The following MEIOB variants were observed in gnomAD, a reference collection of about 807,000 sequenced individuals.
MEIOB encodes the protein meiosis-specific with OB domain-containing protein.
Under a neutral mutation model 53.1 loss-of-function variants are expected in MEIOB, and 50 were observed. The ratio of observed to expected loss-of-function variants is 0.94; its 90% CI spans 0.75 to 1.19. The LOEUF (loss-of-function observed/expected upper bound fraction) is 1.19. MEIOB is among the 50% of genes most tolerant of loss of function. The pLI is 0.00. For synonymous variants in MEIOB, 192 were observed against 182.5 expected, an observed-to-expected ratio of 1.05 and a Z score of -0.42; for missense variants, 551 against 550.8, an observed-to-expected ratio of 1.00 and a Z score of 0.00.
chr16:1,855,325 G>A (rs537223133), intron 6 of MEIOB, among the ~76,000 whole-genome samples: 240 of 152,206 alleles, frequency 1.6e-3, no homozygotes, highest in Non-Finnish European at 2.0e-3. Flanking sequence ...CTGGCTACTC[G>A]GGAGGCTGAG....
At position 1,849,859 on chromosome 16, in the gene MEIOB, CA is replaced by C. The variant is rs1013495567; in HGVS notation, c.778+3179del. 3.3e-5 allele frequency among the ~76,000 whole-genome samples: 5 copies of C among 151,678 alleles called. No individual in the cohort carries two copies. The South Asian group carries it at 8.3e-4, about 25-fold the overall frequency. On this transcript the variant is annotated intron_variant, in intron 9 of 13. Transcript: ENST00000325962. The stretch of plus-strand genomic sequence containing the variant: ...GAACAGATTTTACGTGTTCTCACCA[CA>C]AAAAAAATGATAAGTATGTGAAGTA...
In MEIOB at chr16:1,844,978, G is replaced by A; in HGVS notation, c.779-15C>T. On this transcript the variant is annotated splice_polypyrimidine_tract_variant and intron_variant, in intron 9 of 13. Transcript: ENST00000325962. Reference sequence around the variant, plus strand: ...TTCTGGTATATCTTAAATTGAAAATGCATAATAAGTAAAAAGCAAACTGAT... The same window carrying A: ...TTCTGGTATATCTTAAATTGAAAATACATAATAAGTAAAAAGCAAACTGAT... The A allele has an allele frequency of 1.7e-6, 2 of 1,178,298 alleles. No individual in the cohort carries two copies. Among genetic ancestry groups the A allele is most frequent in the South Asian group, 1.4e-5 (1 of 71,280 alleles). The allele number at this position is 1,178,298 out of a possible 1,614,324, so 73.0% of individuals were successfully genotyped here.
At chr16:1,846,846 T>C (rs376764989) in intron 9 of MEIOB, among the ~76,000 whole-genome samples, 17 of 152,054 alleles carry the variant, frequency 1.1e-4, no homozygotes, top group African/African-American at 4.1e-4. Context: ...AAATAGCTAA[T>C]GCATGTGGGG....
In MEIOB at chr16:1,853,222, T is replaced by C; in HGVS notation, c.679A>G (p.Thr227Ala). 1 of 1,552,900 alleles carries C rather than the reference T, an allele frequency of 6.4e-7. No individual in the cohort carries two copies. Among genetic ancestry groups the C allele is most frequent in the Non-Finnish European group, 8.7e-7 (1 of 1,146,476 alleles). ...CACAATCATTGAATGATAATACCTG[T>C]TTCTCGTGGCATCCAGCTCTGTGCA... ...LLAQSWMPRE[T>A]VIFASDVRIN... The change falls in exon 8 of 14, where the codon ACA (threonine) becomes GCA (alanine). Residue 227 changes from threonine to alanine, a missense_variant. By Grantham distance (58) the Thr-to-Ala change is moderately conservative. Transcript: ENST00000325962.
chr16:1,858,266 G>A (rs1038461913), intron 5 of MEIOB, among the ~76,000 whole-genome samples: 2 of 152,148 alleles, frequency 1.3e-5, no homozygotes, highest in Non-Finnish European at 2.9e-5. Flanking sequence ...AGGACTGGTT[G>A]TTTCTCTCTC....
intron 4 of MEIOB, 53 bp from the exon 5 acceptor site, chr16:1,860,528 A>C: frequency 9.9e-7 from 1 of 1,008,978 alleles, no homozygotes; most frequent in Non-Finnish European, 1.5e-6. Flanking sequence ...CAAGATAAAC[A>C]CTAACATCCT....
intron 5 of MEIOB, 114 bp from the exon 6 acceptor site, chr16:1,858,044 T>C (rs979460323): frequency 3.0e-6 from 2 of 656,134 alleles, no homozygotes; most frequent in Admixed American, 3.2e-5. Context: ...TACTAATATA[T>C]ACTTTTTACT....
At chr16:1,853,181 A>C (rs1899213828) in intron 8 of MEIOB, 38 bp downstream of exon 8, 1 of 1,566,474 alleles carries the variant, frequency 6.4e-7, no homozygotes, top group African/African-American at 1.4e-5. Flanking sequence ...GGAGGATATA[A>C]ATGACAAATA....
chr16:1,838,030 T>G, intron 12 of MEIOB, 160 bp from the exon 13 acceptor site: 1 of 1,356,724 alleles, frequency 7.4e-7, no homozygotes, highest in Non-Finnish European at 9.9e-7. Flanking sequence ...AGGGTCTCAC[T>G]CTGTCGCCCA....
At position 1,839,296 on chromosome 16, in the gene MEIOB, T is replaced by G; in HGVS notation, c.1177A>C (p.Ser393Arg). 3 of 1,614,042 alleles carry G rather than the reference T, an allele frequency of 1.9e-6. No homozygotes were observed. The South Asian group carries it at 3.3e-5, about 18-fold the overall frequency. Residue 393 changes from serine to arginine, a missense_variant, in exon 12 of 14, where the codon AGT (serine) becomes CGT (arginine). Ser to Arg is a moderately radical substitution (Grantham distance 110). Coordinates refer to ENST00000325962, the MANE Select transcript of MEIOB (RefSeq NM_001163560.3). ...TDHTGTLHSC[S>R]LTGSVAEETL... ...TCCTCAGCAACACTTCCTGTGAGAC[T>G]ACAGGAATGAAGGGTGCCTGTGTGA... is the stretch of plus-strand genomic sequence containing the variant.
intron 12 of MEIOB, among the ~76,000 whole-genome samples, chr16:1,838,545 C>A (rs1446218286): frequency 2.6e-5 from 4 of 152,096 alleles, no homozygotes; most frequent in African/African-American, 4.8e-5. Context: ...AAGGAGAAAA[C>A]GTGTAGCTGA....
chr16:1,847,633 CAGAGAAAGAA>C (rs748034280), intron 9 of MEIOB, among the ~76,000 whole-genome samples: 5 of 151,510 alleles, frequency 3.3e-5, no homozygotes, highest in Admixed American at 6.6e-5. Flanking sequence ...AAAGAAAAAA[CAGAGAAAGAA>C]AGAGAGAGAA....
chr16:1,861,513 T>C (rs1470236739), intron 4 of MEIOB, among the ~76,000 whole-genome samples: 1 of 151,688 alleles, frequency 6.6e-6, no homozygotes, highest in Non-Finnish European at 1.5e-5. Flanking sequence ...CAAATAACAT[T>C]CTGAATGCCT....
intron 6 of MEIOB, 80 bp from the exon 7 acceptor site, chr16:1,854,280 T>C (rs931975135): frequency 1.2e-6 from 1 of 823,210 alleles, no homozygotes; most frequent in Non-Finnish European, 2.0e-6. Flanking sequence ...TACTCAAATG[T>C]TCACCTTTTA....
chr16:1,843,092 C>T (rs1229390482), intron 10 of MEIOB, among the ~76,000 whole-genome samples: 7 of 150,554 alleles, frequency 4.6e-5, no homozygotes, highest in African/African-American at 1.2e-4. Context: ...CAGGAGATCG[C>T]GACCATCCTG....
chr16:1,834,238 T>A lies in MEIOB; in HGVS notation c.*18A>T. 1 of 1,394,048 alleles carries A rather than the reference T, an allele frequency of 7.2e-7. No individual in the cohort carries two copies. Among genetic ancestry groups the A allele is most frequent in the Non-Finnish European group, 1.0e-6 (1 of 988,326 alleles). 86.4% of individuals were successfully genotyped at this position (1,394,048 alleles called of 1,614,324 possible). On this transcript the variant is annotated 3_prime_UTR_variant, in exon 14 of 14. Transcript: ENST00000325962. ...TAAAACTCTTATACTTTTCCAGAGT[T>A]CAAAATGATAGACCGTTTTAAACAT...
intron 4 of MEIOB, 103 bp from the exon 5 acceptor site, chr16:1,860,578 A>G (rs1899416659): frequency 2.9e-6 from 2 of 684,020 alleles, no homozygotes; most frequent in Non-Finnish European, 4.9e-6. Flanking sequence ...CATCGACTCT[A>G]GGCTTTAAAA....
chr16:1,866,682 T>C (rs1490877200), intron 2 of MEIOB, among the ~76,000 whole-genome samples: 1 of 151,854 alleles, frequency 6.6e-6, no homozygotes, highest in East Asian at 1.9e-4. Flanking sequence ...GATCCCACTA[T>C]TGCACTTCAG....
chr16:1,839,473 G>A, intron 11 of MEIOB, 35 bp from the exon 12 acceptor site: 1 of 1,548,470 alleles, frequency 6.5e-7, no homozygotes, highest in Non-Finnish European at 8.8e-7. Flanking sequence ...AAAATGTGAT[G>A]CCCTAAGCTA....
Sources: allele counts gnomAD v4.1 joint callset (sites outside exome capture counted in the v4.1 genomes callset), GRCh38; gene constraint gnomAD v4.1.1; transcripts MANE v1.5; gene names NCBI Gene and HGNC (gene_info 2026-07-23, HGNC 2026-07-21).